The following RASGRF1 variants were observed in gnomAD, a reference collection of about 807,000 sequenced individuals.
The protein encoded by RASGRF1 is Ras protein specific guanine nucleotide releasing factor 1, also known as ras-specific guanine nucleotide-releasing factor 1.
Under a neutral mutation model 138.7 loss-of-function variants are expected in RASGRF1, and 40 were observed. That is an observed-to-expected ratio of 0.29 (90% CI 0.22 to 0.38). RASGRF1 has a LOEUF of 0.38. Ranked by LOEUF, RASGRF1 falls within the 10% of genes least tolerant of loss-of-function variation. RASGRF1 has a pLI of 1.00. For synonymous variants in RASGRF1, 614 were observed against 663.2 expected (o/e 0.93, Z 1.14); for missense variants, 1,108 against 1,650.4 (o/e 0.67, Z 5.69).
chr15:79,006,583 G>A lies in RASGRF1; in HGVS notation c.1827-149C>T. The A allele has an allele frequency of 1.0e-6, 1 of 973,142 alleles. No individual in the cohort carries two copies. Among genetic ancestry groups the A allele is most frequent in the Non-Finnish European group, 1.5e-6 (1 of 680,854 alleles). 60.3% of individuals were successfully genotyped at this position (973,142 alleles called of 1,614,324 possible). A position where few individuals can be genotyped will look rare whatever the true frequency, so the allele number is the denominator to read the frequency against. On this transcript the variant is annotated intron_variant, in intron 13 of 26. Transcript: ENST00000558480. The surrounding 1 kb of genome is among the most constrained non-coding windows in gnomAD (Gnocchi z 4.0). ...CAAGCTTGGGAAGGATGACACTGAAGGAGGGCTACAACTTCTTTTTCCCAA... is the reference window on the plus strand; with the variant it reads ...CAAGCTTGGGAAGGATGACACTGAAAGAGGGCTACAACTTCTTTTTCCCAA...
At chr15:79,059,983 GACACACAGACACACACACACACACACAC>G (rs1175917535) in intron 2 of RASGRF1, among the ~76,000 whole-genome samples, 201 of 7,784 alleles carry the variant, frequency 0.026, no homozygotes, top group African/African-American at 0.13. Context: ...CACACACACA[GACACACAGACACACACACACACACACAC>G]ACACACACAC....
intron 6 of RASGRF1, among the ~76,000 whole-genome samples, chr15:79,033,880 G>A (rs922300034): frequency 1.3e-5 from 2 of 152,174 alleles, no homozygotes; most frequent in Admixed American, 6.5e-5. Context: ...ATGAGTCACC[G>A]TGCTCGGCCA....
chr15:79,089,571 C>T (rs1452323648), intron 1 of RASGRF1, among the ~76,000 whole-genome samples: 1 of 152,220 alleles, frequency 6.6e-6, no homozygotes, highest in African/African-American at 2.4e-5. Flanking sequence ...GCCCTAGCCC[C>T]GGCGCATCAG....
intron 5 of RASGRF1, among the ~76,000 whole-genome samples, chr15:79,040,828 T>C (rs2057288368): frequency 6.6e-6 from 1 of 152,252 alleles, no homozygotes; most frequent in South Asian, 2.1e-4. Context: ...GAATATACCA[T>C]GCACCTTTCT....
intron 25 of RASGRF1, among the ~76,000 whole-genome samples, chr15:78,972,400 T>A (rs1452073991): frequency 6.6e-6 from 1 of 150,950 alleles, no homozygotes; most frequent in Non-Finnish European, 1.5e-5. Context: ...CGGCCTCATG[T>A]TTTTTTTCTT....
rs1460126968 is a variant in RASGRF1, at chr15:79,027,752, A to C, written c.1370T>G (p.Phe457Cys). ...TGCAGAGGCCATACCTTGTCTCACAAAGGTCTGGCTGGTGTCCAGGAGGAT... is the reference window on the plus strand; with the variant it reads ...TGCAGAGGCCATACCTTGTCTCACACAGGTCTGGCTGGTGTCCAGGAGGAT... ...CEILLDTSQT[F>C]VRQGSLIQVP... The change falls in exon 9 of 27, where the codon TTT (phenylalanine) becomes TGT (cysteine). Residue 457 changes from phenylalanine to cysteine, a missense_variant. Physicochemically the swap from Phe to Cys is radical, Grantham distance 205. Transcript: ENST00000558480. This position sits in a 1 kb window ranked among gnomAD's most constrained non-coding sequence, Gnocchi z 4.8. The C allele has an allele frequency of 1.2e-6, 2 of 1,614,154 alleles. No homozygotes were observed. Among genetic ancestry groups the C allele is most frequent in the Non-Finnish European group, 1.7e-6 (2 of 1,180,014 alleles).
At chr15:78,977,524 A>T (rs1287031325) in intron 24 of RASGRF1, among the ~76,000 whole-genome samples, 1 of 152,194 alleles carries the variant, frequency 6.6e-6, no homozygotes, top group Non-Finnish European at 1.5e-5. Flanking sequence ...AGATAGAGAT[A>T]GATACTTGGC....
intron 10 of RASGRF1, among the ~76,000 whole-genome samples, chr15:79,023,486 G>A (rs1236647661): frequency 2.6e-5 from 4 of 152,264 alleles, no homozygotes; most frequent in South Asian, 4.2e-4. Context: ...GGGCTGTGTC[G>A]GGGGACAGGA....
chr15:79,079,004 G>A (rs1318733813), intron 1 of RASGRF1, among the ~76,000 whole-genome samples: 1 of 152,242 alleles, frequency 6.6e-6, no homozygotes, highest in Non-Finnish European at 1.5e-5. Flanking sequence ...CAACCTCAGG[G>A]CTTAGAAGCC....
At chr15:79,031,804 G>A (rs1244620673) in intron 7 of RASGRF1, among the ~76,000 whole-genome samples, 1 of 152,068 alleles carries the variant, frequency 6.6e-6, no homozygotes, top group African/African-American at 2.4e-5. Context: ...ACTTCCATGA[G>A]CAGAACTGAG....
intron 20 of RASGRF1, among the ~76,000 whole-genome samples, chr15:78,992,718 C>T (rs937390901): frequency 2.6e-5 from 4 of 152,192 alleles, no homozygotes; most frequent in African/African-American, 9.7e-5. Flanking sequence ...CTCATGCCTT[C>T]ACTTTTCCAT....
intron 10 of RASGRF1, 116 bp from the exon 11 acceptor site, chr15:79,020,220 G>T: frequency 1.1e-6 from 1 of 891,006 alleles, no homozygotes; most frequent in Admixed American, 2.1e-5. Flanking sequence ...TATACACACA[G>T]ATGTATGGAT....
rs762599738 is a variant in RASGRF1 at position 78,999,855 on chromosome 15, G to T, written c.2634C>A (p.Asp878Glu). 6.2e-7 allele frequency: 1 copy of T among 1,614,184 alleles called. No homozygotes were observed. The highest frequency in any genetic ancestry group is 8.5e-7 in the Non-Finnish European group (1 of 1,180,006). ...CGGCCGACAAGGCACTGCGGTTATTGTCCAGTTCACGACAGGAGGTCATGA... is the reference window on the plus strand; with the variant it reads ...CGGCCGACAAGGCACTGCGGTTATTTTCCAGTTCACGACAGGAGGTCATGA... ...GVVMTSCREL[D>E]NNRSALSAAS... Residue 878 changes from aspartate to glutamate, a missense_variant, in exon 17 of 27, where the codon GAC (aspartate) becomes GAA (glutamate). By Grantham distance (45) the Asp-to-Glu change is conservative. This residue lies in a region of RASGRF1 where 686 missense variants were observed against 976.7 expected (regional missense o/e 0.70). Coordinates refer to ENST00000558480, the MANE Select transcript of RASGRF1 (RefSeq NM_001145648.3).
intron 5 of RASGRF1, among the ~76,000 whole-genome samples, chr15:79,040,332 T>C (rs1456834838): frequency 1.3e-5 from 2 of 152,204 alleles, no homozygotes; most frequent in African/African-American, 4.8e-5. Flanking sequence ...GCCTAGACTG[T>C]TGTCAGTGGG....
At chr15:78,972,046 C>T (rs1262966880) in intron 25 of RASGRF1, 112 bp from the exon 26 acceptor site, 1 of 931,098 alleles carries the variant, frequency 1.1e-6, no homozygotes, top group Non-Finnish European at 1.8e-6. Context: ...CCTCTTAATT[C>T]CATACATGTT....
chr15:79,025,186 G>C, intron 10 of RASGRF1, 128 bp downstream of exon 10: 2 of 973,230 alleles, frequency 2.1e-6, no homozygotes, highest in East Asian at 5.9e-5. Flanking sequence ...GTGTATATCT[G>C]TGTGTGTGTG....
chr15:79,027,921 A>T lies in RASGRF1; in HGVS notation c.1263-62T>A. Reference sequence around the variant, plus strand: ...TGCCCCTACTTCCCAGGGAGGCGAGAATGCCAGGCTTCTGGCCAGACCTAG... The same window carrying T: ...TGCCCCTACTTCCCAGGGAGGCGAGTATGCCAGGCTTCTGGCCAGACCTAG... On this transcript the variant is annotated intron_variant, in intron 8 of 26. Coordinates refer to ENST00000558480, the MANE Select transcript of RASGRF1 (RefSeq NM_001145648.3). The surrounding 1 kb of genome is among the most constrained non-coding windows in gnomAD (Gnocchi z 4.8). The T allele has an allele frequency of 6.5e-7, 1 of 1,543,608 alleles. No individual in the cohort carries two copies. Among genetic ancestry groups the T allele is most frequent in the Non-Finnish European group, 8.9e-7 (1 of 1,118,038 alleles).
chr15:79,087,933 G>A (rs1022257315), intron 1 of RASGRF1, among the ~76,000 whole-genome samples: 1 of 152,202 alleles, frequency 6.6e-6, no homozygotes. Context: ...TGTGCCAGGA[G>A]GGCTGCTCTC....
chr15:78,988,680 G>A (rs542466285), intron 22 of RASGRF1, among the ~76,000 whole-genome samples: 19 of 152,274 alleles, frequency 1.2e-4, no homozygotes, highest in East Asian at 5.8e-4. Context: ...TCCCACCACC[G>A]GCCCTCAAAG....
Sources: gnomAD v4.1 joint callset for allele counts (sites outside exome capture counted in the v4.1 genomes callset) on GRCh38, gnomAD v4.1.1 for gene constraint, gnomAD v4.1.1 regional missense constraint, Gnocchi (gnomAD v3.1) non-coding constraint, MANE v1.5 for transcripts, NCBI Gene and HGNC (gene_info 2026-07-23, HGNC 2026-07-21) for gene names.